SLC35D1: variants seen among roughly 807,000 people sequenced by gnomAD.
SLC35D1 encodes nucleotide sugar transporter SLC35D1.
In SLC35D1, 31 loss-of-function variants were observed where a neutral mutation model predicts 46.7. The ratio of observed to expected loss-of-function variants is 0.66; its 90% CI spans 0.50 to 0.90. The LOEUF is 0.90. Among genes scored for constraint, SLC35D1 ranks in the 40% least tolerant of loss-of-function variants. SLC35D1 has a pLI of 0.00. For synonymous variants in SLC35D1, 195 were observed against 164.6 expected (o/e 1.18, Z -1.41); for missense variants, 397 against 426.2 (o/e 0.93, Z 0.60).
In SLC35D1 at chr1:67,001,261, C is replaced by T. The variant is rs1383480235; in HGVS notation, c.*3079G>A. On this transcript the variant is annotated 3_prime_UTR_variant, in exon 12 of 12. Coordinates refer to ENST00000235345, the MANE Select transcript of SLC35D1 (RefSeq NM_015139.3). ...CCTGCACCAGCTGTACTGACCAAAA[C>T]CCTCCATGGATTCTTGATAAAACAG... The T allele has an allele frequency of 6.6e-6, 1 of 152,250 alleles. No homozygotes were observed. Among genetic ancestry groups the T allele is most frequent in the African/African-American group, 2.4e-5 (1 of 41,416 alleles). 9.4% of individuals were successfully genotyped at this position (152,250 alleles called of 1,614,324 possible).
chr1:67,012,037 T>G (rs1256393920), intron 10 of SLC35D1, among the ~76,000 whole-genome samples: 1 of 152,218 alleles, frequency 6.6e-6, no homozygotes, highest in Non-Finnish European at 1.5e-5. Flanking sequence ...CACTCTCTCT[T>G]GGTCTCTGCC....
At chr1:67,009,693 G>A (rs922198654) in intron 10 of SLC35D1, among the ~76,000 whole-genome samples, 15 of 54,364 alleles carry the variant, frequency 2.8e-4, no homozygotes, top group South Asian at 9.6e-4. Flanking sequence ...AGATGTTGGC[G>A]AGGTTGAGAA....
At chr1:66,984,461 T>C in the SLC35D1 span, 5 of 760,370 alleles carry the variant, frequency 6.6e-6, no homozygotes, top group South Asian at 7.7e-5. Context: ...ATTTAGACTA[T>C]GTATTTGATA....
At chr1:67,017,130 T>C (rs940780581) in intron 10 of SLC35D1, among the ~76,000 whole-genome samples, 5 of 152,160 alleles carry the variant, frequency 3.3e-5, no homozygotes, top group African/African-American at 7.2e-5. Context: ...ATAAAACTAA[T>C]CTAAGAAGAG....
In SLC35D1 at chr1:67,054,049, TAGCGGCTCGGGGGCCTGC is replaced by T. The variant is rs1645346024; in HGVS notation, c.-54_-37del. On this transcript the variant is annotated 5_prime_UTR_variant, in exon 1 of 12. Transcript: ENST00000235345. ...GCAGCGGTGGCCTGGCGGCGGGGCC[TAGCGGCTCGGGGGCCTGC>T]AGCGGCAGCTCCCAGGGGACTCCAG... 2 of 1,601,394 alleles carry T rather than the reference TAGCGGCTCGGGGGCCTGC, an allele frequency of 1.2e-6. No homozygotes were observed. The highest frequency in any genetic ancestry group is 1.3e-5 in the African/African-American group (1 of 74,534).
intron 6 of SLC35D1, 47 bp downstream of exon 6, chr1:67,049,735 T>C (rs1312751865): frequency 6.6e-7 from 1 of 1,504,260 alleles, no homozygotes; most frequent in South Asian, 1.2e-5. Flanking sequence ...TTATTATCAA[T>C]AATTATTGAC....
Position 67,029,333 on chromosome 1 carries a change from A to G in SLC35D1, c.730-7731T>C, listed in dbSNP as rs1050619296. Among the ~76,000 whole-genome samples, 3 of 152,218 alleles carry G rather than the reference A, an allele frequency of 2.0e-5. No individual in the cohort carries two copies. In the South Asian group the frequency reaches 6.2e-4, roughly 32 times the overall value. On this transcript the variant is annotated intron_variant, in intron 8 of 11. Coordinates refer to ENST00000235345, the MANE Select transcript of SLC35D1 (RefSeq NM_015139.3). ...ATGGTATTTAACAAAGTGATCAGAA[A>G]ATAGTAGGTGTTTAATAACTGTTTA...
At chr1:67,020,341 C>G in intron 10 of SLC35D1, 28 bp downstream of exon 10, 3 of 1,434,776 alleles carry the variant, frequency 2.1e-6, no homozygotes, top group Non-Finnish European at 2.9e-6. Flanking sequence ...ATGCAGGTAC[C>G]AAAAGCTAAC....
rs571811277 is a variant in SLC35D1 at position 67,022,365 on chromosome 1, C to T, written c.730-763G>A. ...CATAAATCTGATGGCACCAGGGCTC[C>T]AACAATACCAGGCTCCCTGTGGCTT... On this transcript the variant is annotated intron_variant, in intron 8 of 11. Coordinates refer to ENST00000235345, the MANE Select transcript of SLC35D1 (RefSeq NM_015139.3). Among the ~76,000 whole-genome samples the T allele has an allele frequency of 8.5e-4, 129 of 152,156 alleles. 1 individual carries two copies. Among genetic ancestry groups the T allele is most frequent in the Admixed American group, 2.7e-3 (41 of 15,270 alleles).
chr1:67,026,569 C>CAATCAG (rs1166147105), intron 8 of SLC35D1, among the ~76,000 whole-genome samples: 2 of 152,112 alleles, frequency 1.3e-5, no homozygotes, highest in African/African-American at 4.8e-5. Context: ...TCCAGTGAAG[C>CAATCAG]AATCAGGGCC....
At chr1:67,013,074 GCT>G (rs1667599574) in intron 10 of SLC35D1, among the ~76,000 whole-genome samples, 1 of 145,524 alleles carries the variant, frequency 6.9e-6, no homozygotes, top group Non-Finnish European at 1.5e-5. Flanking sequence ...TTTAAAAAGA[GCT>G]CTGTGGTTAA....
Position 67,052,046 on chromosome 1 carries a change from G to T in SLC35D1, c.358C>A (p.Gln120Lys). The T allele has an allele frequency of 6.2e-7, 1 of 1,610,612 alleles. No individual in the cohort carries two copies. The highest frequency in any genetic ancestry group is 1.1e-5 in the South Asian group (1 of 90,996). The change falls in exon 4 of 12, where the codon CAA (glutamine) becomes AAA (lysine). Residue 120 changes from glutamine to lysine, a missense_variant. Transcript: ENST00000235345. ...FPLPLLYFGNQITGLFSTKKL... is the reference protein window; with the variant it reads ...FPLPLLYFGNKITGLFSTKKL... ...TTTGTGCTGAACAGTCCCGTGATTT[G>T]GTTCCCAAAATATAGTAGAGGTAGT...
chr1:67,017,860 T>A (rs1426514733), intron 10 of SLC35D1, among the ~76,000 whole-genome samples: 1 of 152,206 alleles, frequency 6.6e-6, no homozygotes, highest in Non-Finnish European at 1.5e-5. Context: ...GGCAATACAT[T>A]TAAATTTACT....
In SLC35D1 at chr1:67,001,261, C is replaced by A. The variant is rs1383480235; in HGVS notation, c.*3079G>T. The A allele has an allele frequency of 6.6e-6, 1 of 152,250 alleles. No individual in the cohort carries two copies. The highest frequency in any genetic ancestry group is 2.4e-5 in the African/African-American group (1 of 41,416). 9.4% of individuals were successfully genotyped at this position (152,250 alleles called of 1,614,324 possible). ...CCTGCACCAGCTGTACTGACCAAAA[C>A]CCTCCATGGATTCTTGATAAAACAG... On this transcript the variant is annotated 3_prime_UTR_variant, in exon 12 of 12. Coordinates refer to ENST00000235345, the MANE Select transcript of SLC35D1 (RefSeq NM_015139.3).
intron 1 of SLC35D1, 125 bp downstream of exon 1, chr1:67,053,685 TC>T (rs1238069388): frequency 3.3e-6 from 3 of 917,576 alleles, no homozygotes; most frequent in Non-Finnish European, 4.3e-6. Flanking sequence ...CCGCCCGCCC[TC>T]CCCAGCTCCC....
intron 10 of SLC35D1, among the ~76,000 whole-genome samples, chr1:67,013,157 G>GATATATATATATATACGTATATATAT (rs964691631): frequency 4.4e-4 from 13 of 29,792 alleles, no homozygotes; most frequent in African/African-American, 2.3e-3. Context: ...ATATCCTGGA[G>GATATATATATATATACGTATATATAT]ATATATATAT....
At chr1:67,044,282 G>A (rs947016681) in intron 7 of SLC35D1, among the ~76,000 whole-genome samples, 11 of 148,834 alleles carry the variant, frequency 7.4e-5, no homozygotes, top group African/African-American at 2.5e-4. Flanking sequence ...GCTGCAGTAA[G>A]CTGATGTGCC....
chr1:66,984,446 C>A, the SLC35D1 span: 1 of 666,762 alleles, frequency 1.5e-6, no homozygotes, highest in Non-Finnish European at 2.5e-6. Flanking sequence ...AGTAATAGAG[C>A]AAGAATTTAG....
At chr1:66,985,810 T>C in the SLC35D1 span, 3 of 820,186 alleles carry the variant, frequency 3.7e-6, no homozygotes, top group Middle Eastern at 6.1e-4. Context: ...TAAAGGATTA[T>C]AAAATTTTTT....
Sources: allele counts gnomAD v4.1 joint callset (sites outside exome capture counted in the v4.1 genomes callset), GRCh38; gene constraint gnomAD v4.1.1; transcripts MANE v1.5; gene names NCBI Gene and HGNC (gene_info 2026-07-23, HGNC 2026-07-21).